SLC26A3: variants seen among roughly 807,000 people sequenced by gnomAD.
SLC26A3 encodes the protein solute carrier family 26 member 3, also known as chloride anion exchanger.
Under a neutral mutation model 85.6 loss-of-function variants are expected in SLC26A3, and 64 were observed. The ratio of observed to expected loss-of-function variants is 0.75; its 90% CI spans 0.61 to 0.92. The LOEUF (loss-of-function observed/expected upper bound fraction) is 0.92. Ranked by LOEUF, SLC26A3 falls within the 40% of genes least tolerant of loss-of-function variation. The probability of loss-of-function intolerance (pLI) is 0.00; values close to 1 mark genes in which losing one functional copy is unlikely to be tolerated. For missense variants in SLC26A3, 922 were observed against 927.3 expected (o/e 0.99, Z 0.07); for synonymous variants, 349 against 336.0 (o/e 1.04, Z -0.42).
chr7:107,792,182 C>T (rs537338586), intron 3 of SLC26A3, among the ~76,000 whole-genome samples: 1 of 152,184 alleles, frequency 6.6e-6, no homozygotes, highest in South Asian at 2.1e-4. Context: ...TGGCATAAGC[C>T]AGCAGTCCCC....
rs919217351 is a variant in SLC26A3 at position 107,765,692 on chromosome 7, T to A, written c.*163A>T. ...AATACTTATATAATTTCATACTAGA[T>A]ATGTGAAAAATATGCCATGCTAGAA... On this transcript the variant is annotated 3_prime_UTR_variant, in exon 21 of 21. Transcript: ENST00000340010. 1.7e-6 allele frequency: 1 copy of A among 572,928 alleles called. No homozygotes were observed. The highest frequency in any genetic ancestry group is 3.1e-6 in the Non-Finnish European group (1 of 319,982). 35.5% of individuals were successfully genotyped at this position (572,928 alleles called of 1,614,324 possible).
chr7:107,802,963 C>T (rs1264289709), intron 1 of SLC26A3, 148 bp downstream of exon 1: 1 of 152,186 alleles, frequency 6.6e-6, no homozygotes, highest in African/African-American at 2.4e-5. Flanking sequence ...ACATGCATAT[C>T]TTATTAGTGG....
At chr7:107,785,505 T>C (rs975742872) in intron 8 of SLC26A3, among the ~76,000 whole-genome samples, 14 of 152,224 alleles carry the variant, frequency 9.2e-5, no homozygotes, top group African/African-American at 3.1e-4. Flanking sequence ...TAAGTTTATC[T>C]TTTATTTTCC....
At chr7:107,796,134 G>A (rs1407635509) in intron 1 of SLC26A3, among the ~76,000 whole-genome samples, 1 of 151,342 alleles carries the variant, frequency 6.6e-6, no homozygotes, top group Non-Finnish European at 1.5e-5. Context: ...ATTAGAGACA[G>A]GATCTCACTG....
chr7:107,791,641 TAAATA>T (rs1436238479), intron 4 of SLC26A3, among the ~76,000 whole-genome samples, 184 bp downstream of exon 4: 2 of 151,436 alleles, frequency 1.3e-5, no homozygotes, highest in Non-Finnish European at 2.9e-5. Context: ...AATAAATAAA[TAAATA>T]AATAAATAAA....
chr7:107,781,127 A>G (rs2115837381), intron 11 of SLC26A3, among the ~76,000 whole-genome samples: 1 of 152,322 alleles, frequency 6.6e-6, no homozygotes, highest in Admixed American at 6.5e-5. Flanking sequence ...GATTACTTTT[A>G]AAGTAAAGAT....
chr7:107,782,910 C>G (rs1185224853), intron 10 of SLC26A3, 36 bp from the exon 11 acceptor site: 1 of 1,613,582 alleles, frequency 6.2e-7, no homozygotes, highest in Admixed American at 1.7e-5. Flanking sequence ...ACCAACTCAA[C>G]TTTTCCCCTG....
chr7:107,792,890 A>T (rs2115881934), intron 3 of SLC26A3, among the ~76,000 whole-genome samples: 1 of 152,378 alleles, frequency 6.6e-6, no homozygotes, highest in East Asian at 1.9e-4. Context: ...TTGCAACTCC[A>T]CAACAAAAAG....
At chr7:107,789,811 G>A in intron 5 of SLC26A3, 123 bp from the exon 6 acceptor site, 3 of 1,050,732 alleles carry the variant, frequency 2.9e-6, no homozygotes, top group Non-Finnish European at 4.2e-6. Flanking sequence ...TACATGCCTT[G>A]AAGAAGCAAA....
intron 6 of SLC26A3, 66 bp downstream of exon 6, chr7:107,789,458 G>T: frequency 1.4e-6 from 2 of 1,481,420 alleles, no homozygotes; most frequent in Non-Finnish European, 9.4e-7. Flanking sequence ...TTAAAGGAAA[G>T]CTCTCTAAAA....
intron 6 of SLC26A3, among the ~76,000 whole-genome samples, chr7:107,788,195 C>T (rs1217324170): frequency 6.6e-6 from 1 of 152,108 alleles, no homozygotes; most frequent in Non-Finnish European, 1.5e-5. Context: ...TCTCAACTCC[C>T]AAAAACTTTT....
At chr7:107,772,779 T>C (rs1237666127) in intron 17 of SLC26A3, among the ~76,000 whole-genome samples, 1 of 151,976 alleles carries the variant, frequency 6.6e-6, no homozygotes, top group Non-Finnish European at 1.5e-5. Context: ...TGTGTGTGAG[T>C]GAAAATGCAG....
chr7:107,782,760 C>A, intron 11 of SLC26A3, 37 bp downstream of exon 11: 1 of 1,582,294 alleles, frequency 6.3e-7, no homozygotes, highest in South Asian at 1.1e-5. Context: ...CTTGATTTAC[C>A]ACTAAAAGTA....
intron 1 of SLC26A3, among the ~76,000 whole-genome samples, chr7:107,795,485 C>G (rs1032334571): frequency 3.2e-4 from 48 of 152,278 alleles, no homozygotes; most frequent in Admixed American, 2.7e-3. Flanking sequence ...CTTCACAATT[C>G]TTTGAGGCAG....
Position 107,783,195 on chromosome 7 carries a change from G to T in SLC26A3, c.1119+10C>A, listed in dbSNP as rs1366614989. On this transcript the variant is annotated intron_variant, in intron 9 of 20. Coordinates refer to ENST00000340010, the MANE Select transcript of SLC26A3 (RefSeq NM_000111.3). ...TGCCCAGTGAGACCCAGTGTAGTTTGTTTACTTACCTGATTGCCATCAAGT... is the reference window on the plus strand; with the variant it reads ...TGCCCAGTGAGACCCAGTGTAGTTTTTTTACTTACCTGATTGCCATCAAGT... 6.2e-7 allele frequency: 1 copy of T among 1,614,174 alleles called. No homozygotes were observed. Among genetic ancestry groups the T allele is most frequent in the Admixed American group, 1.7e-5 (1 of 60,022 alleles).
At chr7:107,794,204 C>A (rs573421587) in intron 2 of SLC26A3, among the ~76,000 whole-genome samples, 175 bp downstream of exon 2, 59 of 152,106 alleles carry the variant, frequency 3.9e-4, no homozygotes, top group Non-Finnish European at 6.6e-4. Flanking sequence ...AGATGGGGTT[C>A]ATTTTAGACA....
At chr7:107,793,109 G>T (rs1584412371) in intron 3 of SLC26A3, among the ~76,000 whole-genome samples, 1 of 152,176 alleles carries the variant, frequency 6.6e-6, no homozygotes, top group Non-Finnish European at 1.5e-5. Context: ...ATGATATGGA[G>T]AAATCTGAAC....
At chr7:107,792,487 G>A (rs1047433269) in intron 3 of SLC26A3, among the ~76,000 whole-genome samples, 1 of 151,928 alleles carries the variant, frequency 6.6e-6, no homozygotes, top group South Asian at 2.1e-4. Flanking sequence ...TAGATCCCTT[G>A]CGTGCACAGT....
At chr7:107,778,130 G>A (rs376815427) in intron 13 of SLC26A3, 45 bp downstream of exon 13, 6 of 1,313,520 alleles carry the variant, frequency 4.6e-6, no homozygotes, top group African/African-American at 1.5e-5. Flanking sequence ...TTCTGATTTG[G>A]GCAGGTCCAA....
Sources: gnomAD v4.1 joint callset for allele counts (sites outside exome capture counted in the v4.1 genomes callset) on GRCh38, gnomAD v4.1.1 for gene constraint, MANE v1.5 for transcripts, NCBI Gene and HGNC (gene_info 2026-07-23, HGNC 2026-07-21) for gene names.